FARS2: variants seen among roughly 807,000 people sequenced by gnomAD.
The protein encoded by FARS2 is phenylalanyl-tRNA synthetase 2, mitochondrial.
FARS2 carries 40 observed loss-of-function variants against 46.4 expected under a neutral mutation model. The observed-to-expected ratio is 0.86, with a 90% CI of 0.67 to 1.12. The LOEUF (loss-of-function observed/expected upper bound fraction) is 1.12. Among genes scored for constraint, FARS2 ranks in the 50% most tolerant of loss-of-function variants. FARS2 has a pLI of 0.00. For synonymous variants in FARS2, 234 were observed against 214.9 expected (o/e 1.09, Z -0.78); for missense variants, 513 against 567.9 (o/e 0.90, Z 0.98).
intron 4 of FARS2, among the ~76,000 whole-genome samples, chr6:5,490,856 A>C (rs138283867): frequency 0.011 from 1,614 of 152,370 alleles, 12 homozygotes; most frequent in Non-Finnish European, 0.016. Flanking sequence ...GGAAGCAGAT[A>C]TCCAACCAGT....
At chr6:5,629,667 C>G (rs1420058533) in intron 6 of FARS2, among the ~76,000 whole-genome samples, 2 of 152,052 alleles carry the variant, frequency 1.3e-5, no homozygotes, top group Admixed American at 6.6e-5. Context: ...TAAATGATTA[C>G]CTATCTTAAC....
rs75665515 is a variant in FARS2, at chr6:5,576,634, C to CATATATTATATATAAT, written c.1065+31300_1065+31301insTATATATAATATATAT. 4.8e-5 allele frequency among the ~76,000 whole-genome samples: 7 copies of CATATATTATATATAAT among 145,770 alleles called. No individual in the cohort carries two copies. In the East Asian group the frequency reaches 1.4e-3, roughly 29 times the overall value. ...ATATAAAGTATATATCATATATTAACATATATATATATCCTATTAGTTCTG... is the reference window on the plus strand; with the variant it reads ...ATATAAAGTATATATCATATATTAACATATATTATATATAATATATATATATATCCTATTAGTTCTG... On this transcript the variant is annotated intron_variant, in intron 5 of 6. Transcript: ENST00000274680.
chr6:5,553,139 T>C (rs1342995201), intron 5 of FARS2, among the ~76,000 whole-genome samples: 1 of 152,170 alleles, frequency 6.6e-6, no homozygotes, highest in Non-Finnish European at 1.5e-5. Context: ...TCAGCAATGT[T>C]GGCTGTTATC....
intron 5 of FARS2, among the ~76,000 whole-genome samples, chr6:5,610,365 A>G (rs1775108766): frequency 1.3e-5 from 2 of 152,112 alleles, no homozygotes; most frequent in African/African-American, 4.8e-5. Flanking sequence ...ACATCAATGC[A>G]GTCAGCTCTC....
At chr6:5,462,867 G>A (rs6926594) in intron 4 of FARS2, among the ~76,000 whole-genome samples, 2,353 of 152,246 alleles carry the variant, frequency 0.015, 60 homozygotes, top group African/African-American at 0.053. Flanking sequence ...GAATTTCATC[G>A]AATCTTTAGA....
intron 6 of FARS2, among the ~76,000 whole-genome samples, chr6:5,627,846 T>A (rs1776110190): frequency 6.6e-6 from 1 of 152,230 alleles, no homozygotes; most frequent in African/African-American, 2.4e-5. Context: ...TGGCAGTGTT[T>A]TCCAGCTAGG....
intron 4 of FARS2, among the ~76,000 whole-genome samples, chr6:5,513,075 T>G (rs1230531363): frequency 1.3e-5 from 2 of 152,076 alleles, no homozygotes; most frequent in Non-Finnish European, 2.9e-5. Context: ...TGATGGAGGC[T>G]ATGGGAATAT....
chr6:5,530,006 A>T (rs1038329017), intron 4 of FARS2, among the ~76,000 whole-genome samples: 1 of 152,262 alleles, frequency 6.6e-6, no homozygotes, highest in African/African-American at 2.4e-5. Context: ...TGAGAGCTGA[A>T]GAACTTTCCA....
chr6:5,555,329 T>C (rs1055646430), intron 5 of FARS2, among the ~76,000 whole-genome samples: 2 of 152,086 alleles, frequency 1.3e-5, no homozygotes, highest in African/African-American at 4.8e-5. Flanking sequence ...AACGGACTAA[T>C]ACAGTGTGTA....
intron 5 of FARS2, among the ~76,000 whole-genome samples, chr6:5,582,048 C>T (rs1392306545): frequency 1.7e-5 from 2 of 115,386 alleles, no homozygotes; most frequent in Non-Finnish European, 3.7e-5. Flanking sequence ...CGGTTAATTC[C>T]TGATGCGCTT....
chr6:5,770,696 A>T (rs934558476), intron 6 of FARS2, among the ~76,000 whole-genome samples: 9 of 152,202 alleles, frequency 5.9e-5, no homozygotes, highest in African/African-American at 1.9e-4. Context: ...CAGCTGTTCT[A>T]TGCAAGCCAA....
intron 5 of FARS2, among the ~76,000 whole-genome samples, chr6:5,606,284 G>T (rs762450599): frequency 6.6e-6 from 1 of 151,996 alleles, no homozygotes; most frequent in Non-Finnish European, 1.5e-5. Context: ...CTTCCAAACT[G>T]CCTGGAAGGA....
chr6:5,674,023 A>G (rs775460700), intron 6 of FARS2, among the ~76,000 whole-genome samples: 1 of 151,972 alleles, frequency 6.6e-6, no homozygotes, highest in African/African-American at 2.4e-5. Context: ...TTTCAGCCCA[A>G]CCAAATACTA....
chr6:5,485,772 C>T (rs543709932), intron 4 of FARS2, among the ~76,000 whole-genome samples: 2 of 152,208 alleles, frequency 1.3e-5, no homozygotes, highest in Non-Finnish European at 1.5e-5. Context: ...AGTGCCCTGT[C>T]CTGCAGGGTG....
rs529171472 is a variant in FARS2, at chr6:5,552,645, CGGTA to C, written c.1065+7306_1065+7309del. On this transcript the variant is annotated intron_variant, in intron 5 of 6. Transcript: ENST00000274680. The stretch of plus-strand genomic sequence containing the variant: ...TTGAAACCCATTGTTTAAATCTAGT[CGGTA>C]AGAAACTCAAGTTAAAATGTGATTT... Among the ~76,000 whole-genome samples, 469 of 152,314 alleles carry C rather than the reference CGGTA, an allele frequency of 3.1e-3. 3 individuals are homozygous for C. The highest frequency in any genetic ancestry group is 5.8e-3 in the Non-Finnish European group (397 of 68,024).
intron 1 of FARS2, among the ~76,000 whole-genome samples, chr6:5,354,638 C>T (rs1400764505): frequency 4.6e-5 from 7 of 152,006 alleles, no homozygotes; most frequent in Admixed American, 1.3e-4. Flanking sequence ...CTCAGCCTCC[C>T]GAGTAGCTGG....
chr6:5,643,756 C>T (rs1012077330), intron 6 of FARS2, among the ~76,000 whole-genome samples: 1 of 152,114 alleles, frequency 6.6e-6, no homozygotes, highest in South Asian at 2.1e-4. Flanking sequence ...CACAGTCTAC[C>T]AGCCTGAGCA....
In FARS2 at chr6:5,771,408, G is replaced by A. The variant is rs776691105; in HGVS notation, c.1335G>A (p.Leu445=). 6.2e-7 allele frequency: 1 copy of A among 1,614,122 alleles called. No individual in the cohort carries two copies. Among genetic ancestry groups the A allele is most frequent in the Non-Finnish European group, 8.5e-7 (1 of 1,180,000 alleles). The part of the protein sequence containing the change: ...QALQEAAVQL[L]GVEGRF ...TGCAGGAGGCTGCAGTCCAGCTGTT[G>A]GGTGTGGAGGGCAGGTTCTGATGTC... is the stretch of plus-strand genomic sequence containing the variant. The change falls in exon 7 of 7, where the codon TTG becomes TTA. Residue 445 remains leucine (L), a synonymous_variant. Transcript: ENST00000274680.
At chr6:5,313,692 A>G (rs986791929) in intron 1 of FARS2, among the ~76,000 whole-genome samples, 1 of 152,184 alleles carries the variant, frequency 6.6e-6, no homozygotes, top group African/African-American at 2.4e-5. Context: ...GTAAGAAAGC[A>G]TAAGAAAGTA....
Sources: allele counts gnomAD v4.1 joint callset (sites outside exome capture counted in the v4.1 genomes callset), GRCh38; gene constraint gnomAD v4.1.1; transcripts MANE v1.5; gene names NCBI Gene and HGNC (gene_info 2026-07-23, HGNC 2026-07-21).